PPFIBP2: variants seen among roughly 807,000 people sequenced by gnomAD.
The protein encoded by PPFIBP2 is PPFIB scaffold protein 2, also known as liprin-beta-2.
A neutral mutation model predicts 118.3 loss-of-function variants in PPFIBP2; 118 were observed. The observed-to-expected ratio is 1.00, with a 90% CI of 0.86 to 1.16. The LOEUF (loss-of-function observed/expected upper bound fraction) is 1.16, where lower values mean the gene tolerates loss of function less well. Among genes scored for constraint, PPFIBP2 ranks in the 50% most tolerant of loss-of-function variants. PPFIBP2 has a pLI of 0.00. For missense variants in PPFIBP2, 1,195 were observed against 1,073.1 expected, an observed-to-expected ratio of 1.11 and a Z score of -1.59; for synonymous variants, 414 against 397.4, an observed-to-expected ratio of 1.04 and a Z score of -0.50.
intron 1 of PPFIBP2, among the ~76,000 whole-genome samples, chr11:7,517,328 A>G (rs1241651102): frequency 1.3e-5 from 2 of 152,108 alleles, no homozygotes; most frequent in Non-Finnish European, 2.9e-5. Flanking sequence ...TTTAAGGGTA[A>G]TGTGGACAGG....
intron 1 of PPFIBP2, among the ~76,000 whole-genome samples, chr11:7,541,843 T>A (rs1315810883): frequency 6.6e-6 from 1 of 152,170 alleles, no homozygotes; most frequent in Non-Finnish European, 1.5e-5. Context: ...CCTGCAGGCC[T>A]CCACATTCTC....
chr11:7,582,788 C>T (rs1857473181), intron 3 of PPFIBP2, among the ~76,000 whole-genome samples: 1 of 151,780 alleles, frequency 6.6e-6, no homozygotes, highest in African/African-American at 2.4e-5. Flanking sequence ...CAAAATGTAA[C>T]TGTATTTCAG....
In PPFIBP2 at chr11:7,622,608, A is replaced by G. The variant is rs375017505; in HGVS notation, c.711+1581A>G. Among the ~76,000 whole-genome samples the G allele has an allele frequency of 2.2e-4, 33 of 152,362 alleles. No homozygotes were observed. The South Asian group carries it at 6.4e-3, about 30-fold the overall frequency. On this transcript the variant is annotated intron_variant, in intron 7 of 23. Transcript: ENST00000299492. ...TCATTTGATTAACCATTTTACAGAT[A>G]ATGAAATGGATGTACAGAGAGATTA...
chr11:7,641,609 G>A lies in PPFIBP2; in HGVS notation c.1506G>A (p.Lys502=). 3.1e-6 allele frequency: 5 copies of A among 1,613,894 alleles called. No homozygotes were observed. The highest frequency in any genetic ancestry group is 1.6e-4 in the Middle Eastern group (1 of 6,062). Reference sequence around the variant, plus strand: ...AACGGAATCCCAAAGGCATTAAGAAGTTCTGGGGAAAGTAAGTTGGTGCCG... The same window carrying A: ...AACGGAATCCCAAAGGCATTAAGAAATTCTGGGGAAAGTAAGTTGGTGCCG... ...DGKRNPKGIK[K]FWGKIRRTQS... The change falls in exon 16 of 24, where the codon AAG becomes AAA. Residue 502 remains lysine (K), a synonymous_variant. Coordinates refer to ENST00000299492, the MANE Select transcript of PPFIBP2 (RefSeq NM_003621.5).
chr11:7,542,818 C>A (rs1170885473), intron 1 of PPFIBP2, among the ~76,000 whole-genome samples: 1 of 152,196 alleles, frequency 6.6e-6, no homozygotes, highest in African/African-American at 2.4e-5. Flanking sequence ...GAGTTTATGT[C>A]TCTCTTGTTA....
At chr11:7,649,509 T>TAA (rs1303273931) in intron 20 of PPFIBP2, 23 bp from the exon 21 acceptor site, 12 of 1,614,036 alleles carry the variant, frequency 7.4e-6, no homozygotes, top group Non-Finnish European at 1.0e-5. Context: ...CTCTGGTTTA[T>TAA]AAACCAAACT....
chr11:7,547,177 T>C (rs1312833662), intron 1 of PPFIBP2, among the ~76,000 whole-genome samples: 1 of 152,070 alleles, frequency 6.6e-6, no homozygotes, highest in Non-Finnish European at 1.5e-5. Flanking sequence ...CGGGGGGCGG[T>C]GTGGGGAAGC....
rs1849943829 is a variant in PPFIBP2, at chr11:7,625,904, ACT to A, written c.826+16_826+17del. ...CACACAGAGAGAGGTGACTAGCTTG[ACT>A]CTGACAAAATGCAGTTGTCTGGGTC... On this transcript the variant is annotated intron_variant, in intron 8 of 23. Transcript: ENST00000299492. The A allele has an allele frequency of 6.2e-7, 1 of 1,608,876 alleles. No individual in the cohort carries two copies. Among genetic ancestry groups the A allele is most frequent in the South Asian group, 1.1e-5 (1 of 90,808 alleles).
At chr11:7,634,659 A>G in intron 13 of PPFIBP2, 107 bp downstream of exon 13, 1 of 852,630 alleles carries the variant, frequency 1.2e-6, no homozygotes, top group Non-Finnish European at 2.0e-6. Flanking sequence ...AGAGGATTTT[A>G]TAAAGTTGTA....
intron 2 of PPFIBP2, among the ~76,000 whole-genome samples, chr11:7,550,834 A>G (rs1439519178): frequency 6.6e-6 from 1 of 152,174 alleles, no homozygotes; most frequent in Non-Finnish European, 1.5e-5. Flanking sequence ...GCAGAAAAAC[A>G]TGAAAAGTCT....
At chr11:7,540,920 GGATCA>G (rs149695703) in intron 1 of PPFIBP2, among the ~76,000 whole-genome samples, 2,957 of 152,318 alleles carry the variant, frequency 0.019, 46 homozygotes, top group South Asian at 0.039. Flanking sequence ...CTAACAATTA[GGATCA>G]GATGCCTTAG....
In PPFIBP2 at chr11:7,648,259, G is replaced by A. The variant is rs1231858360; in HGVS notation, c.1647-128G>A. ...TGTTCAGCAGAATCCCATGATGGAG[G>A]TTGTTTGTTAAAAAACAGGTTTTTT... On this transcript the variant is annotated intron_variant, in intron 17 of 23. Coordinates refer to ENST00000299492, the MANE Select transcript of PPFIBP2 (RefSeq NM_003621.5). The A allele has an allele frequency of 2.9e-6, 3 of 1,047,088 alleles. No individual in the cohort carries two copies. In the East Asian group the frequency reaches 7.9e-5, roughly 28 times the overall value. 64.9% of individuals were successfully genotyped at this position (1,047,088 alleles called of 1,614,324 possible).
intron 9 of PPFIBP2, 52 bp downstream of exon 9, chr11:7,628,398 G>A (rs753729274): frequency 1.9e-6 from 3 of 1,548,296 alleles, no homozygotes; most frequent in South Asian, 2.2e-5. Flanking sequence ...ATCCCTGGCT[G>A]TGTTTGGTCC....
intron 13 of PPFIBP2, among the ~76,000 whole-genome samples, 159 bp downstream of exon 13, chr11:7,634,711 G>A: frequency 6.6e-6 from 1 of 152,290 alleles, no homozygotes; most frequent in East Asian, 1.9e-4. Context: ...AAAATTAACT[G>A]GGTGTGGCCC....
chr11:7,543,917 G>A (rs1173499051), intron 1 of PPFIBP2, among the ~76,000 whole-genome samples: 5 of 152,168 alleles, frequency 3.3e-5, no homozygotes, highest in African/African-American at 9.7e-5. Flanking sequence ...TTTGTGTGGT[G>A]CAGTTCATGT....
chr11:7,598,931 T>C (rs1263515557), intron 5 of PPFIBP2, among the ~76,000 whole-genome samples: 1 of 128,456 alleles, frequency 7.8e-6, no homozygotes, highest in African/African-American at 3.5e-5. Flanking sequence ...TATATATATG[T>C]CTTCATAAAA....
chr11:7,642,305 A>G lies in PPFIBP2; in HGVS notation c.1525A>G (p.Arg509Gly). The G allele has an allele frequency of 1.9e-6, 3 of 1,614,106 alleles. No homozygotes were observed. The highest frequency in any genetic ancestry group is 2.5e-6 in the Non-Finnish European group (3 of 1,179,998). ...GGATTCTTCTCCATGCAGAATCCGA[A>G]GAACTCAGTCAGGAAATTTCTACAC... is the stretch of plus-strand genomic sequence containing the variant. ...GIKKFWGKIRRTQSGNFYTDT... is the reference protein window; with the variant it reads ...GIKKFWGKIRGTQSGNFYTDT... The change falls in exon 17 of 24, where the codon AGA becomes GGA. Residue 509 changes from arginine (R) to glycine (G), a missense_variant. By Grantham distance (125) the Arg-to-Gly change is moderately radical. Transcript: ENST00000299492.
intron 15 of PPFIBP2, among the ~76,000 whole-genome samples, chr11:7,640,215 C>T (rs1175394482): frequency 1.3e-5 from 2 of 152,088 alleles, no homozygotes; most frequent in Non-Finnish European, 2.9e-5. Context: ...TCAGACACCC[C>T]CTTCTACCCT....
the PPFIBP2 span, chr11:7,667,116 T>G: frequency 6.6e-6 from 1 of 152,372 alleles, no homozygotes; most frequent in Admixed American, 6.5e-5. Flanking sequence ...TCCTCATGAT[T>G]CTCATCCCAG....
Sources: gnomAD v4.1 joint callset for allele counts (sites outside exome capture counted in the v4.1 genomes callset) on GRCh38, gnomAD v4.1.1 for gene constraint, MANE v1.5 for transcripts, NCBI Gene and HGNC (gene_info 2026-07-23, HGNC 2026-07-21) for gene names.